Variants in CREB5 observed in about 807,000 individuals in gnomAD.
CREB5 encodes cAMP responsive element binding protein 5, also known as cyclic AMP-responsive element-binding protein 5.
Under a neutral mutation model 57.1 loss-of-function variants are expected in CREB5, and 19 were observed. That is an observed-to-expected ratio of 0.33 (90% CI 0.23 to 0.49). The LOEUF (loss-of-function observed/expected upper bound fraction) is 0.49. Among genes scored for constraint, CREB5 ranks in the 20% least tolerant of loss-of-function variants. CREB5 has a pLI of 0.99. For missense variants in CREB5, 579 were observed against 671.6 expected (o/e 0.86, Z 1.52); for synonymous variants, 238 against 238.3 (o/e 1.00, Z 0.01).
At chr7:28,430,562 T>G (rs531674724) in intron 1 of CREB5, among the ~76,000 whole-genome samples, 1 of 152,336 alleles carries the variant, frequency 6.6e-6, no homozygotes, top group South Asian at 2.1e-4. Flanking sequence ...TATAGCTATT[T>G]GGGAATAAAT....
intron 7 of CREB5, among the ~76,000 whole-genome samples, chr7:28,739,342 G>A (rs1353001431): frequency 7.9e-5 from 12 of 152,178 alleles, no homozygotes; most frequent in African/African-American, 1.7e-4. Context: ...CATTTCCATC[G>A]TGTCTGTTCA....
intron 1 of CREB5, among the ~76,000 whole-genome samples, chr7:28,465,179 T>G (rs1223248573): frequency 6.6e-6 from 1 of 152,216 alleles, no homozygotes; most frequent in South Asian, 2.1e-4. Context: ...GAGACTCTAG[T>G]AGGTACTGTA....
At chr7:28,683,108 C>A (rs1277235473) in intron 5 of CREB5, among the ~76,000 whole-genome samples, 1 of 152,164 alleles carries the variant, frequency 6.6e-6, no homozygotes, top group African/African-American at 2.4e-5. Context: ...TTCTAAGAAG[C>A]CTCCCTCTGG....
intron 7 of CREB5, among the ~76,000 whole-genome samples, chr7:28,767,611 A>G (rs1259895756): frequency 6.6e-6 from 1 of 152,178 alleles, no homozygotes; most frequent in Non-Finnish European, 1.5e-5. Context: ...AACCTTTAAC[A>G]TGGAGTGGGA....
intron 7 of CREB5, among the ~76,000 whole-genome samples, chr7:28,745,163 C>G (rs1165027071): frequency 6.6e-6 from 1 of 152,174 alleles, no homozygotes; most frequent in Non-Finnish European, 1.5e-5. Flanking sequence ...GGAAGGCAAA[C>G]AGTATTCATA....
chr7:28,669,471 G>A (rs112429369), intron 5 of CREB5, among the ~76,000 whole-genome samples: 38 of 152,300 alleles, frequency 2.5e-4, no homozygotes, highest in African/African-American at 8.7e-4. Flanking sequence ...TACTGTACCA[G>A]CGTCAATTTC....
At chr7:28,306,662 G>A (rs1390994398) in intron 1 of CREB5, among the ~76,000 whole-genome samples, 3 of 140,910 alleles carry the variant, frequency 2.1e-5, no homozygotes, top group Non-Finnish European at 3.0e-5. Context: ...CCGGGTTCAC[G>A]CCATTCTCCT....
intron 4 of CREB5, among the ~76,000 whole-genome samples, chr7:28,529,835 T>C (rs547786744): frequency 3.4e-4 from 52 of 152,350 alleles, no homozygotes; most frequent in Admixed American, 1.2e-3. Context: ...CACACTTTGC[T>C]TTACCTTTCT....
chr7:28,320,035 G>A (rs1785465289), intron 1 of CREB5, among the ~76,000 whole-genome samples: 1 of 151,984 alleles, frequency 6.6e-6, no homozygotes, highest in Non-Finnish European at 1.5e-5. Flanking sequence ...GGGTCAAGTG[G>A]TTCTCATACC....
chr7:28,356,079 T>C (rs900323194), intron 1 of CREB5, among the ~76,000 whole-genome samples: 2 of 152,144 alleles, frequency 1.3e-5, no homozygotes, highest in African/African-American at 2.4e-5. Context: ...GTGAACAACA[T>C]AGAGTAAAGC....
intron 5 of CREB5, among the ~76,000 whole-genome samples, chr7:28,655,223 ATTTC>A (rs1799290266): frequency 6.6e-6 from 1 of 152,068 alleles, no homozygotes; most frequent in Non-Finnish European, 1.5e-5. Context: ...TCTGGTGTTT[ATTTC>A]TTAGCTCGAA....
intron 3 of CREB5, among the ~76,000 whole-genome samples, chr7:28,495,516 T>A (rs1436412160): frequency 6.9e-6 from 1 of 145,094 alleles, no homozygotes; most frequent in Non-Finnish European, 1.5e-5. Context: ...CACTCCAGCC[T>A]GGGTGACAGC....
chr7:28,321,642 TA>T (rs138228594), intron 1 of CREB5, among the ~76,000 whole-genome samples: 261 of 152,240 alleles, frequency 1.7e-3, no homozygotes, highest in African/African-American at 4.9e-3. Context: ...ATCACTGGGC[TA>T]GGGGCAGGAG....
chr7:28,325,478 CA>C (rs1325183020), intron 1 of CREB5, among the ~76,000 whole-genome samples: 1 of 151,762 alleles, frequency 6.6e-6, no homozygotes, highest in Non-Finnish European at 1.5e-5. Context: ...AAATGTAAAT[CA>C]AACCATGCTT....
In CREB5 at chr7:28,580,429, C is replaced by CCACACACACACACA. The variant is rs70977058; in HGVS notation, c.464+9913_464+9926dup. On this transcript the variant is annotated intron_variant, in intron 5 of 10. Coordinates refer to ENST00000357727, the MANE Select transcript of CREB5 (RefSeq NM_182898.4). ...CTAGATTTGTCCCAATCCCCCCCCACCACACACACACACACACACACACAC... is the reference window on the plus strand; with the variant it reads ...CTAGATTTGTCCCAATCCCCCCCCACCACACACACACACACACACACACACACACACACACACAC... 1.3e-3 allele frequency among the ~76,000 whole-genome samples: 174 copies of CCACACACACACACA among 130,966 alleles called. 1 individual carries two copies. Among genetic ancestry groups the CCACACACACACACA allele is most frequent in the Admixed American group, 3.0e-3 (40 of 13,412 alleles). The allele number at this position is 130,966 out of a possible 152,430, so 85.9% of individuals were successfully genotyped here. A position where few individuals can be genotyped will look rare whatever the true frequency, so the allele number is the denominator to read the frequency against.
intron 5 of CREB5, among the ~76,000 whole-genome samples, chr7:28,701,042 G>A (rs981977355): frequency 6.6e-6 from 1 of 151,800 alleles, no homozygotes; most frequent in African/African-American, 2.4e-5. Flanking sequence ...GGAGATTTGT[G>A]GGCACCTGCC....
At chr7:28,595,183 A>G (rs773956843) in intron 5 of CREB5, among the ~76,000 whole-genome samples, 2 of 151,890 alleles carry the variant, frequency 1.3e-5, no homozygotes, top group Admixed American at 6.6e-5. Flanking sequence ...TCTCAGAAAA[A>G]TCTTCCCTAG....
chr7:28,714,010 T>C (rs1802544457), intron 5 of CREB5, among the ~76,000 whole-genome samples: 1 of 152,144 alleles, frequency 6.6e-6, no homozygotes, highest in African/African-American at 2.4e-5. Flanking sequence ...GATGCCCAGG[T>C]TCCCAGGTTC....
intron 5 of CREB5, among the ~76,000 whole-genome samples, chr7:28,697,740 T>C (rs758537653): frequency 4.6e-5 from 7 of 152,316 alleles, no homozygotes; most frequent in South Asian, 2.1e-4. Context: ...TGCCTCAGCG[T>C]TGTCATTTGT....
Sources: allele counts gnomAD v4.1 joint callset (sites outside exome capture counted in the v4.1 genomes callset), GRCh38; gene constraint gnomAD v4.1.1; transcripts MANE v1.5; gene names NCBI Gene and HGNC (gene_info 2026-07-23, HGNC 2026-07-21).